Variants in ZNF578 observed in about 807,000 individuals in gnomAD.
ZNF578 encodes the protein Putative chemokine-related protein B42.
In ZNF578, 8 loss-of-function variants were observed where a neutral mutation model predicts 8.3. The ratio of observed to expected loss-of-function variants is 0.96; its 90% CI spans 0.56 to 1.74. ZNF578 has a LOEUF of 1.74. ZNF578 is among the 40% of genes most tolerant of loss of function. The pLI, the probability that ZNF578 is intolerant of heterozygous loss-of-function variation, is 0.00. For synonymous variants in ZNF578, 206 were observed against 232.2 expected, an observed-to-expected ratio of 0.89 and a Z score of 1.03; for missense variants, 726 against 707.5, an observed-to-expected ratio of 1.03 and a Z score of -0.30.
At position 52,478,263 on chromosome 19, in the gene ZNF578, A is replaced by G. The variant is rs377573299; in HGVS notation, c.-121-13061A>G. 9.8e-5 allele frequency among the ~76,000 whole-genome samples: 15 copies of G among 152,314 alleles called. No individual in the cohort carries two copies. The East Asian group carries it at 2.1e-3, about 22-fold the overall frequency. ...AAGTGAATGGGCTCTGTATTCCATT[A>G]TTAAGTACACTAGCTCTTAATTCCT... is the stretch of plus-strand genomic sequence containing the variant. On this transcript the variant is annotated intron_variant, in intron 2 of 5. Transcript: ENST00000421239.
intron 5 of ZNF578, among the ~76,000 whole-genome samples, chr19:52,505,988 A>G (rs1281043173): frequency 6.7e-6 from 1 of 150,242 alleles, no homozygotes; most frequent in Non-Finnish European, 1.5e-5. Flanking sequence ...CCCTCCACCT[A>G]TTGGATTCAA....
intron 2 of ZNF578, among the ~76,000 whole-genome samples, chr19:52,467,431 CA>C (rs201709141): frequency 6.6e-6 from 1 of 150,940 alleles, no homozygotes; most frequent in Non-Finnish European, 1.5e-5. Flanking sequence ...AGCACTATCT[CA>C]AAAAAAATAA....
At chr19:52,491,662 C>T (rs951531571) in intron 3 of ZNF578, among the ~76,000 whole-genome samples, 5 of 151,906 alleles carry the variant, frequency 3.3e-5, no homozygotes, top group African/African-American at 7.3e-5. Context: ...CTGCAGTGAG[C>T]CACGATCTCG....
At chr19:52,461,618 C>T (rs1397568477) in intron 2 of ZNF578, among the ~76,000 whole-genome samples, 4 of 152,112 alleles carry the variant, frequency 2.6e-5, no homozygotes, top group East Asian at 3.8e-4. Context: ...GGAATCAATA[C>T]GGGTGAAAAG....
At chr19:52,502,058 C>G (rs2122939839) in intron 4 of ZNF578, 150 bp downstream of exon 4, 2 of 1,262,208 alleles carry the variant, frequency 1.6e-6, no homozygotes, top group East Asian at 2.4e-5. Flanking sequence ...CTCACCCATG[C>G]CTGCCCTCAG....
At chr19:52,459,646 C>T (rs374674697) in intron 2 of ZNF578, among the ~76,000 whole-genome samples, 11 of 84,622 alleles carry the variant, frequency 1.3e-4, no homozygotes, top group South Asian at 8.0e-4. Context: ...CACACACACA[C>T]ACACATATAT....
chr19:52,501,923 C>T lies in ZNF578; in HGVS notation c.63+15C>T. On this transcript the variant is annotated intron_variant, in intron 4 of 5. Coordinates refer to ENST00000421239, the MANE Select transcript of ZNF578 (RefSeq NM_001099694.2). ...CTCTTCCTCAGGTGAAGTGATATTC[C>T]TCTGTGGATTAATCTGTCTCTTTCC... 6.2e-7 allele frequency: 1 copy of T among 1,611,400 alleles called. No individual in the cohort carries two copies. The highest frequency in any genetic ancestry group is 8.5e-7 in the Non-Finnish European group (1 of 1,179,348).
intron 2 of ZNF578, among the ~76,000 whole-genome samples, chr19:52,470,772 G>A (rs1214841391): frequency 2.6e-5 from 4 of 152,154 alleles, no homozygotes; most frequent in East Asian, 1.9e-4. Context: ...TTCGGACTCT[G>A]AGGCTTGCAC....
intron 2 of ZNF578, among the ~76,000 whole-genome samples, chr19:52,460,127 T>A (rs1367851028): frequency 6.6e-6 from 1 of 151,852 alleles, no homozygotes; most frequent in Non-Finnish European, 1.5e-5. Flanking sequence ...TATACGTGTG[T>A]GTATGTATAT....
At chr19:52,466,681 T>C (rs577417192) in intron 2 of ZNF578, among the ~76,000 whole-genome samples, 3 of 152,236 alleles carry the variant, frequency 2.0e-5, no homozygotes, top group Non-Finnish European at 4.4e-5. Context: ...ACAACTGTTA[T>C]ATAAGTTAAT....
At chr19:52,497,162 C>T (rs984826491) in intron 3 of ZNF578, among the ~76,000 whole-genome samples, 7 of 151,850 alleles carry the variant, frequency 4.6e-5, no homozygotes, top group African/African-American at 7.3e-5. Context: ...TGCAGTGGCA[C>T]GATTTCGTCT....
chr19:52,501,381 G>A (rs1392368196), intron 3 of ZNF578, among the ~76,000 whole-genome samples: 1 of 152,156 alleles, frequency 6.6e-6, no homozygotes, highest in Non-Finnish European at 1.5e-5. Flanking sequence ...TTATTCTGAC[G>A]GGATGGAACC....
At chr19:52,506,518 A>AGT (rs2059426293) in intron 5 of ZNF578, among the ~76,000 whole-genome samples, 1 of 133,112 alleles carries the variant, frequency 7.5e-6, no homozygotes, top group African/African-American at 2.8e-5. Context: ...CCCAGGCTGG[A>AGT]GTGCAGTGGT....
intron 5 of ZNF578, among the ~76,000 whole-genome samples, chr19:52,506,108 T>C (rs324745): frequency 0.66 from 100,134 of 151,918 alleles, 34,587 homozygotes; most frequent in African/African-American, 0.87. Context: ...CCATGTTGGC[T>C]AGGCTTCTTT....
At chr19:52,485,487 T>C (rs1448458143) in intron 2 of ZNF578, among the ~76,000 whole-genome samples, 1 of 152,168 alleles carries the variant, frequency 6.6e-6, no homozygotes, top group African/African-American at 2.4e-5. Context: ...TGTCCTCCAT[T>C]TCTGAGGGCT....
rs1194001583 is a variant in ZNF578 at position 52,453,592 on chromosome 19, G to C, written c.-228G>C. 6.5e-6 allele frequency: 1 copy of C among 152,768 alleles called. No homozygotes were observed. Among genetic ancestry groups the C allele is most frequent in the Non-Finnish European group, 1.5e-5 (1 of 68,302 alleles). 9.5% of individuals were successfully genotyped at this position (152,768 alleles called of 1,614,324 possible). ...CCGGAAGCCGATCGCGTGGGGAGCCGGTCTTGGAGCAGCGGGTGAGTTTCC... is the reference window on the plus strand; with the variant it reads ...CCGGAAGCCGATCGCGTGGGGAGCCCGTCTTGGAGCAGCGGGTGAGTTTCC... On this transcript the variant is annotated 5_prime_UTR_variant, in exon 1 of 6. Coordinates refer to ENST00000421239, the MANE Select transcript of ZNF578 (RefSeq NM_001099694.2).
chr19:52,485,819 A>G (rs2059343485), intron 2 of ZNF578, among the ~76,000 whole-genome samples: 1 of 152,296 alleles, frequency 6.6e-6, no homozygotes, highest in Non-Finnish European at 1.5e-5. Flanking sequence ...ACCCGGGGAC[A>G]CAAAACACTG....
At chr19:52,477,753 T>C (rs181584864) in intron 2 of ZNF578, among the ~76,000 whole-genome samples, 11 of 152,338 alleles carry the variant, frequency 7.2e-5, no homozygotes, top group Non-Finnish European at 1.5e-4. Context: ...TTTTTGTACA[T>C]TTCACAGGTG....
intron 3 of ZNF578, among the ~76,000 whole-genome samples, chr19:52,494,361 A>G (rs2059378247): frequency 6.6e-6 from 1 of 152,102 alleles, no homozygotes; most frequent in African/African-American, 2.4e-5. Context: ...ACGGGGCATG[A>G]TAGTGTAGAC....
Sources: gnomAD v4.1 joint callset for allele counts (sites outside exome capture counted in the v4.1 genomes callset) on GRCh38, gnomAD v4.1.1 for gene constraint, MANE v1.5 for transcripts, NCBI Gene and HGNC (gene_info 2026-07-23, HGNC 2026-07-21) for gene names.